Variants in PTCHD1 observed in about 807,000 individuals in gnomAD.
The protein encoded by PTCHD1 is patched domain-containing protein 1.
In PTCHD1, 3 loss-of-function variants were observed where a neutral mutation model predicts 34.6. The ratio of observed to expected loss-of-function variants is 0.09; its 90% CI spans 0.04 to 0.22. PTCHD1 has a LOEUF of 0.22. PTCHD1 is among the 10% of genes least tolerant of loss of function. The pLI is 1.00. For synonymous variants in PTCHD1, 305 were observed against 283.1 expected, an observed-to-expected ratio of 1.08 and a Z score of -0.77; for missense variants, 504 against 685.5, an observed-to-expected ratio of 0.74 and a Z score of 2.96.
intron 2 of PTCHD1, among the ~76,000 whole-genome samples, chrX:23,384,559 T>G (rs769927750): frequency 7.1e-5 from 8 of 112,180 alleles, no homozygotes; most frequent in African/African-American, 9.7e-5. Flanking sequence ...CTCCAAGAAT[T>G]TGCTCTCATA....
chrX:23,388,844 A>G (rs1922750535), intron 2 of PTCHD1, among the ~76,000 whole-genome samples: 1 of 110,976 alleles, frequency 9.0e-6, no homozygotes, highest in South Asian at 3.8e-4. Flanking sequence ...AAAAAAAAAA[A>G]GCAATGAATG....
At chrX:23,369,707 T>G (rs918722084) in intron 1 of PTCHD1, among the ~76,000 whole-genome samples, 2 of 111,996 alleles carry the variant, frequency 1.8e-5, no homozygotes, top group African/African-American at 6.5e-5. Context: ...CATCTTTTCC[T>G]GCCTAGACTG....
intron 1 of PTCHD1, among the ~76,000 whole-genome samples, chrX:23,375,941 A>G (rs996881654): frequency 1.8e-5 from 2 of 111,821 alleles, no homozygotes; most frequent in African/African-American, 6.5e-5. Flanking sequence ...TCTCAATCTA[A>G]CATTCAGTTT....
rs768351794 is a variant in PTCHD1 at position 23,397,297 on chromosome X, T to C, written c.*3112T>C. 8.9e-6 allele frequency: 1 copy of C among 111,914 alleles called. No individual in the cohort carries two copies. Among genetic ancestry groups the C allele is most frequent in the South Asian group, 3.7e-4 (1 of 2,677 alleles). The allele number at this position is 111,914 out of a possible 1,213,427, so 9.2% of individuals were successfully genotyped here. A position where few individuals can be genotyped will look rare whatever the true frequency, so the allele number is the denominator to read the frequency against. On this transcript the variant is annotated 3_prime_UTR_variant, in exon 3 of 3. Coordinates refer to ENST00000379361, the MANE Select transcript of PTCHD1 (RefSeq NM_173495.3). Reference sequence around the variant, plus strand: ...GAAGAAGATGTCAATTCACAGGGAATGTGGTGTTCGCAAGAAAGAAAATGA... The same window carrying C: ...GAAGAAGATGTCAATTCACAGGGAACGTGGTGTTCGCAAGAAAGAAAATGA...
At chrX:23,387,391 AT>A (rs373058133) in intron 2 of PTCHD1, among the ~76,000 whole-genome samples, 5 of 109,323 alleles carry the variant, frequency 4.6e-5, no homozygotes, top group African/African-American at 6.7e-5. Context: ...AGCCAGTTGA[AT>A]TTTTTTTTCC....
chrX:23,366,339 G>T (rs1317187019), intron 1 of PTCHD1, among the ~76,000 whole-genome samples: 1 of 112,030 alleles, frequency 8.9e-6, no homozygotes, highest in South Asian at 3.7e-4. Flanking sequence ...TGACTGGCTC[G>T]CAGTTGCCCA....
At chrX:23,385,880 A>G (rs73205375) in intron 2 of PTCHD1, among the ~76,000 whole-genome samples, 6,918 of 110,983 alleles carry the variant, frequency 0.062, 249 homozygotes, top group East Asian at 0.27. Context: ...TATATTATAT[A>G]TCACATTAGC....
intron 1 of PTCHD1, among the ~76,000 whole-genome samples, chrX:23,357,658 TTTA>T (rs199783783): frequency 3.6e-5 from 4 of 110,604 alleles, no homozygotes; most frequent in Non-Finnish European, 7.5e-5. Context: ...CCACAGCTTT[TTTA>T]TTATTATTAT....
At chrX:23,347,726 C>G (rs1272692131) in intron 1 of PTCHD1, among the ~76,000 whole-genome samples, 1 of 111,840 alleles carries the variant, frequency 8.9e-6, no homozygotes, top group Non-Finnish European at 1.9e-5. Flanking sequence ...ACTATGAAGG[C>G]CAGGCGAGGT....
Position 23,394,409 on chromosome X carries a change from GACACACACACACACACACACACAC to G in PTCHD1, c.*243_*266del, listed in dbSNP as rs34539351. Reference sequence around the variant, plus strand: ...TGTTATGAGAATTCACACACACATAGACACACACACACACACACACACACACACACACACACACACACCCTGGGA... The same window carrying G: ...TGTTATGAGAATTCACACACACATAGACACACACACACACACACCCTGGGA... On this transcript the variant is annotated 3_prime_UTR_variant, in exon 3 of 3. Coordinates refer to ENST00000379361, the MANE Select transcript of PTCHD1 (RefSeq NM_173495.3). The G allele has an allele frequency of 3.5e-5, 7 of 200,370 alleles. No homozygotes were observed. Among genetic ancestry groups the G allele is most frequent in the African/African-American group, 1.1e-4 (3 of 27,319 alleles). The allele number at this position is 200,370 out of a possible 1,213,427, so 16.5% of individuals were successfully genotyped here. A position where few individuals can be genotyped will look rare whatever the true frequency, so the allele number is the denominator to read the frequency against.
At chrX:23,362,389 T>G (rs1353989033) in intron 1 of PTCHD1, among the ~76,000 whole-genome samples, 11 of 112,422 alleles carry the variant, frequency 9.8e-5, no homozygotes, top group Non-Finnish European at 2.1e-4. Flanking sequence ...TTGCTTTATT[T>G]CATTAATTTG....
intron 1 of PTCHD1, among the ~76,000 whole-genome samples, chrX:23,339,517 A>G (rs1041636934): frequency 9.8e-5 from 11 of 112,748 alleles, no homozygotes; most frequent in African/African-American, 2.9e-4. Context: ...ATGTTTAAAT[A>G]CATTAAATAG....
Position 23,335,043 on chromosome X carries a change from G to A in PTCHD1, c.168G>A (p.Leu56=), listed in dbSNP as rs763971258. ...YQVEESVEHL[L]APQHSLAKIE... ...TCGAGGAGAGCGTGGAGCACCTGCT[G>A]GCGCCCCAGCACAGCCTGGCCAAGA... Residue 56 remains leucine (L), a synonymous_variant, in exon 1 of 3, where the codon CTG becomes CTA. Transcript: ENST00000379361. 3.3e-6 allele frequency: 4 copies of A among 1,211,422 alleles called. No individual in the cohort carries two copies. Among genetic ancestry groups the A allele is most frequent in the Non-Finnish European group, 4.5e-6 (4 of 895,294 alleles).
At chrX:23,354,880 A>AT (rs112001315) in intron 1 of PTCHD1, among the ~76,000 whole-genome samples, 1 of 107,782 alleles carries the variant, frequency 9.3e-6, no homozygotes, top group Non-Finnish European at 1.9e-5. Context: ...CAAAATTCTT[A>AT]TTTTTTTTTA....
intron 1 of PTCHD1, chrX:23,350,954 T>C (rs1392088129): frequency 4.9e-6 from 1 of 205,443 alleles, no homozygotes; most frequent in Non-Finnish European, 8.7e-6. Context: ...GCTCAGGCCT[T>C]ACCAGAGCCT....
At chrX:23,358,895 A>T (rs985248737) in intron 1 of PTCHD1, among the ~76,000 whole-genome samples, 12 of 112,238 alleles carry the variant, frequency 1.1e-4, no homozygotes, top group Non-Finnish European at 1.7e-4. Flanking sequence ...CACCATTTAT[A>T]AAATAGGGAA....
In PTCHD1 at chrX:23,393,261, G is replaced by A. The variant is rs1179436250; in HGVS notation, c.1743G>A (p.Gly581=). 10 of 1,210,940 alleles carry A rather than the reference G, an allele frequency of 8.3e-6. No individual in the cohort carries two copies. Among genetic ancestry groups the A allele is most frequent in the Non-Finnish European group, 1.0e-5 (9 of 894,562 alleles). ...AAGATGTTCTAGAATACACCAAGGG[G>A]TTTGTGCGGATATCCTGGTTTGAGA... ...VQEDVLEYTK[G]FVRISWFESY... The change falls in exon 3 of 3, where the codon GGG becomes GGA. Residue 581 remains glycine (G), a synonymous_variant. Coordinates refer to ENST00000379361, the MANE Select transcript of PTCHD1 (RefSeq NM_173495.3).
At chrX:23,354,496 A>AAT (rs142123920) in intron 1 of PTCHD1, among the ~76,000 whole-genome samples, 2,385 of 95,742 alleles carry the variant, frequency 0.025, 33 homozygotes, top group Non-Finnish European at 0.033. Context: ...GAAGTACACA[A>AAT]ATATATATAT....
At chrX:23,378,801 G>T (rs1922478909) in intron 1 of PTCHD1, among the ~76,000 whole-genome samples, 1 of 112,581 alleles carries the variant, frequency 8.9e-6, no homozygotes, top group African/African-American at 3.2e-5. Flanking sequence ...ATTAGTGCGT[G>T]TATTCTCCTG....
Sources: gnomAD v4.1 joint callset for allele counts (sites outside exome capture counted in the v4.1 genomes callset) on GRCh38, gnomAD v4.1.1 for gene constraint, MANE v1.5 for transcripts, NCBI Gene and HGNC (gene_info 2026-07-23, HGNC 2026-07-21) for gene names.